Variants in RRBP1 observed in about 807,000 individuals in gnomAD.
The protein encoded by RRBP1 is ribosome binding protein 1, also known as ribosome-binding protein 1.
In RRBP1, 94 loss-of-function variants were observed where a neutral mutation model predicts 165.2. The observed-to-expected ratio is 0.57, with a 90% CI of 0.48 to 0.68. The LOEUF (loss-of-function observed/expected upper bound fraction) is 0.68, where lower values mean the gene tolerates loss of function less well. Among genes scored for constraint, RRBP1 ranks in the 30% least tolerant of loss-of-function variants. The probability of loss-of-function intolerance (pLI) is 0.00; values close to 1 mark genes in which losing one functional copy is unlikely to be tolerated. For synonymous variants in RRBP1, 680 were observed against 714.5 expected (o/e 0.95, Z 0.77); for missense variants, 1,676 against 1,763.0 (o/e 0.95, Z 0.88).
intron 5 of RRBP1, 85 bp from the exon 6 acceptor site, chr20:17,636,814 T>C: frequency 1.3e-6 from 2 of 1,544,752 alleles, no homozygotes; most frequent in South Asian, 2.3e-5. Flanking sequence ...TCACCCGAGC[T>C]GGGAGGCTGG....
At chr20:17,646,902 C>T (rs947053921) in intron 3 of RRBP1, among the ~76,000 whole-genome samples, 5 of 152,316 alleles carry the variant, frequency 3.3e-5, no homozygotes, top group South Asian at 4.1e-4. Context: ...TGAGACTCAG[C>T]GGCCAGCCCC....
intron 19 of RRBP1, chr20:17,619,350 T>C (rs1306098234): frequency 8.4e-6 from 3 of 355,860 alleles, no homozygotes; most frequent in African/African-American, 6.3e-5. Flanking sequence ...AGAATCCCCT[T>C]GCGGAGGGAT....
chr20:17,645,416 C>A (rs2036446734), intron 3 of RRBP1, among the ~76,000 whole-genome samples: 3 of 152,240 alleles, frequency 2.0e-5, no homozygotes, highest in African/African-American at 7.2e-5. Flanking sequence ...AAGCTGCGTA[C>A]AGCAAAATGT....
At chr20:17,681,833 T>TTGCCCGGCACCCCCGCCCCG in intron 1 of RRBP1, among the ~76,000 whole-genome samples, 195 bp downstream of exon 1, 1 of 149,274 alleles carries the variant, frequency 6.7e-6, no homozygotes, top group East Asian at 2.0e-4. Flanking sequence ...GGTACGGCGC[T>TTGCCCGGCACCCCCGCCCCG]TGCCCGGCAC....
At chr20:17,633,958 C>A (rs566853391) in intron 7 of RRBP1, among the ~76,000 whole-genome samples, 2 of 152,220 alleles carry the variant, frequency 1.3e-5, no homozygotes, top group African/African-American at 4.8e-5. Flanking sequence ...CCCGCCTTGA[C>A]GCCCTGTAGG....
chr20:17,674,239 A>C (rs2037032252), intron 2 of RRBP1, among the ~76,000 whole-genome samples: 1 of 152,156 alleles, frequency 6.6e-6, no homozygotes, highest in Non-Finnish European at 1.5e-5. Flanking sequence ...CCTAAAATCA[A>C]CAGGAGAGAA....
At chr20:17,651,188 G>A (rs2036549819) in intron 3 of RRBP1, among the ~76,000 whole-genome samples, 1 of 152,148 alleles carries the variant, frequency 6.6e-6, no homozygotes, top group South Asian at 2.1e-4. Context: ...GGTTTATAAT[G>A]CTCCCTGCTC....
chr20:17,629,625 G>T (rs2036107650), intron 9 of RRBP1, among the ~76,000 whole-genome samples, 198 bp downstream of exon 9: 2 of 151,498 alleles, frequency 1.3e-5, no homozygotes. Context: ...GCGCCTATAG[G>T]CTGACTGCGC....
At chr20:17,617,222 C>T (rs2035818749) in intron 20 of RRBP1, among the ~76,000 whole-genome samples, 1 of 152,250 alleles carries the variant, frequency 6.6e-6, no homozygotes, top group South Asian at 2.1e-4. Flanking sequence ...TGCTCAGAGC[C>T]CTTTCCGGGG....
intron 8 of RRBP1, 27 bp from the exon 9 acceptor site, chr20:17,629,988 G>C (rs1423707570): frequency 6.3e-7 from 1 of 1,582,652 alleles, no homozygotes; most frequent in Non-Finnish European, 8.6e-7. Flanking sequence ...GAGTGGGGCA[G>C]TGAAGACGTG....
intron 6 of RRBP1, among the ~76,000 whole-genome samples, chr20:17,636,331 T>A (rs559461959): frequency 6.6e-6 from 1 of 152,280 alleles, no homozygotes; most frequent in South Asian, 2.1e-4. Flanking sequence ...TTTTGAAAAG[T>A]GTTCTTTAAA....
chr20:17,632,374 G>A (rs1428123679), intron 8 of RRBP1, among the ~76,000 whole-genome samples: 5 of 152,118 alleles, frequency 3.3e-5, no homozygotes, highest in Middle Eastern at 3.2e-3. Context: ...GACCACAACC[G>A]TCCAGGAGCC....
chr20:17,633,368 T>C lies in RRBP1; in HGVS notation c.2610+92A>G, dbSNP rs2036188526. 3 of 1,390,396 alleles carry C rather than the reference T, an allele frequency of 2.2e-6. No homozygotes were observed. The South Asian group carries it at 4.0e-5, about 19-fold the overall frequency. The allele number at this position is 1,390,396 out of a possible 1,614,324, so 86.1% of individuals were successfully genotyped here. On this transcript the variant is annotated intron_variant, in intron 8 of 24. Transcript: ENST00000377813. ...GTCAAGGCTAGAAACGGGTGCCCAG[T>C]GTGGCACGGCCAGCCTGGGCCCATC...
intron 1 of RRBP1, among the ~76,000 whole-genome samples, chr20:17,680,474 G>A (rs1443579757): frequency 2.0e-5 from 3 of 152,192 alleles, no homozygotes; most frequent in African/African-American, 4.8e-5. Context: ...GAGCAGTGAC[G>A]TGGGAGGCTC....
chr20:17,642,029 T>G, intron 4 of RRBP1, 110 bp from the exon 5 acceptor site: 2 of 1,255,320 alleles, frequency 1.6e-6, no homozygotes, highest in Non-Finnish European at 2.2e-6. Flanking sequence ...GAGCAGGGGC[T>G]TCGAGTCAAG....
At chr20:17,628,575 G>A (rs2036079562) in intron 9 of RRBP1, among the ~76,000 whole-genome samples, 1 of 152,164 alleles carries the variant, frequency 6.6e-6, no homozygotes. Flanking sequence ...AAGCACTTCT[G>A]TCACACCTTC....
chr20:17,681,732 G>A (rs1349795941), intron 1 of RRBP1, among the ~76,000 whole-genome samples: 1 of 150,458 alleles, frequency 6.6e-6, no homozygotes, highest in Admixed American at 6.6e-5. Context: ...GGCAGGGAGC[G>A]GTCGCCACGT....
chr20:17,681,735 C>A (rs1435130653), intron 1 of RRBP1, among the ~76,000 whole-genome samples: 1 of 150,588 alleles, frequency 6.6e-6, no homozygotes, highest in Non-Finnish European at 1.5e-5. Context: ...AGGGAGCGGT[C>A]GCCACGTCGC....
intron 20 of RRBP1, 44 bp downstream of exon 20, chr20:17,618,552 G>A (rs1302295585): frequency 1.4e-6 from 2 of 1,427,440 alleles, no homozygotes; most frequent in Non-Finnish European, 2.0e-6. Flanking sequence ...CACACGCAAC[G>A]CCCCAGGTCA....
Sources: gnomAD v4.1 joint callset for allele counts (sites outside exome capture counted in the v4.1 genomes callset) on GRCh38, gnomAD v4.1.1 for gene constraint, MANE v1.5 for transcripts, NCBI Gene and HGNC (gene_info 2026-07-23, HGNC 2026-07-21) for gene names.